Variants in SYF2 observed in about 807,000 individuals in gnomAD.
SYF2 encodes the protein SYF2 pre-mRNA splicing factor.
In SYF2, 21 loss-of-function variants were observed where a neutral mutation model predicts 32.7. That is an observed-to-expected ratio of 0.64 (90% CI 0.45 to 0.92). SYF2 has a LOEUF of 0.92. Among genes scored for constraint, SYF2 ranks in the 40% least tolerant of loss-of-function variants. The pLI is 0.00. For missense variants in SYF2, 278 were observed against 296.5 expected, an observed-to-expected ratio of 0.94 and a Z score of 0.46; for synonymous variants, 114 against 103.9, an observed-to-expected ratio of 1.10 and a Z score of -0.59.
chr1:25,227,023 C>T (rs1638525897), intron 5 of SYF2, among the ~76,000 whole-genome samples: 3 of 152,000 alleles, frequency 2.0e-5, no homozygotes, highest in Admixed American at 1.3e-4. Context: ...TAGCTCACGC[C>T]TGTAATCCCA....
chr1:25,227,502 T>C lies in SYF2; in HGVS notation c.407A>G (p.His136Arg), dbSNP rs143383542. 300 of 1,613,768 alleles carry C rather than the reference T, an allele frequency of 1.9e-4. 2 individuals are homozygous for C. The highest frequency in any genetic ancestry group is 3.6e-5 in the Non-Finnish European group (43 of 1,179,968). The change falls in exon 5 of 7, where the codon CAT becomes CGT. Residue 136 changes from histidine to arginine, a missense_variant. Physicochemically the swap from His to Arg is conservative, Grantham distance 29. Coordinates refer to ENST00000236273, the MANE Select transcript of SYF2 (RefSeq NM_015484.5). ...AGGTTTGATCTGCTTGGTCAACCGA[T>C]GATACTGGCGTAACTGGGCAGCAGC... is the stretch of plus-strand genomic sequence containing the variant. ...DYAAAQLRQYHRLTKQIKPDM... is the reference protein window; with the variant it reads ...DYAAAQLRQYRRLTKQIKPDM...
chr1:25,231,171 TAAC>T (rs1240252470), intron 2 of SYF2: 1 of 152,234 alleles, frequency 6.6e-6, no homozygotes, highest in African/African-American at 2.4e-5. Context: ...TATTTGTTAA[TAAC>T]AGTCACTGGT....
At chr1:25,228,005 CTCA>C in intron 4 of SYF2, 110 bp downstream of exon 4, 1 of 825,330 alleles carries the variant, frequency 1.2e-6, no homozygotes, top group Non-Finnish European at 2.0e-6. Context: ...GGTCTTAAGC[CTCA>C]TCAAGAATAT....
chr1:25,223,196 A>G lies in SYF2; in HGVS notation c.*70T>C. 1 of 1,468,274 alleles carries G rather than the reference A, an allele frequency of 6.8e-7. No individual in the cohort carries two copies. Among genetic ancestry groups the G allele is most frequent in the Non-Finnish European group, 9.2e-7 (1 of 1,090,486 alleles). The allele number at this position is 1,468,274 out of a possible 1,614,324, so 91.0% of individuals were successfully genotyped here. On this transcript the variant is annotated 3_prime_UTR_variant, in exon 7 of 7. Coordinates refer to ENST00000236273, the MANE Select transcript of SYF2 (RefSeq NM_015484.5). ...TTCTGGATTACTGATAAAATTTCAA[A>G]AAGAACTTGATTTTGCTAGCAGAAA...
At chr1:25,223,528 C>T in intron 6 of SYF2, 97 bp from the exon 7 acceptor site, 1 of 1,273,814 alleles carries the variant, frequency 7.9e-7, no homozygotes, top group East Asian at 2.3e-5. Flanking sequence ...TTTAGAATAG[C>T]ACATGTTGTG....
intron 5 of SYF2, among the ~76,000 whole-genome samples, chr1:25,226,393 A>T (rs1638509904): frequency 6.6e-6 from 1 of 152,186 alleles, no homozygotes; most frequent in African/African-American, 2.4e-5. Flanking sequence ...GTTTATGAAA[A>T]GAGGCTTCAT....
At chr1:25,230,551 T>C (rs180974230) in intron 2 of SYF2, 4 of 152,318 alleles carry the variant, frequency 2.6e-5, no homozygotes, top group Admixed American at 2.6e-4. Flanking sequence ...CAAAGAGAGA[T>C]ACTCCTCCCA....
chr1:25,231,176 G>C (rs533659021), intron 2 of SYF2: 1 of 152,342 alleles, frequency 6.6e-6, no homozygotes, highest in Admixed American at 6.5e-5. Context: ...GTTAATAACA[G>C]TCACTGGTGT....
intron 6 of SYF2, among the ~76,000 whole-genome samples, chr1:25,224,664 G>A (rs1033825075): frequency 3.9e-5 from 6 of 152,244 alleles, no homozygotes; most frequent in African/African-American, 9.6e-5. Flanking sequence ...AAACCTAAGC[G>A]AGGAACATTT....
Position 25,229,069 on chromosome 1 carries a change from TTA to T in SYF2, c.185_186del (p.Leu62GlnfsTer34), listed in dbSNP as rs762585534. On this transcript the variant is annotated frameshift_variant, in exon 3 of 7. Coordinates refer to ENST00000236273, the MANE Select transcript of SYF2 (RefSeq NM_015484.5). LOFTEE classifies it high-confidence loss of function. ...TTGGCTTCCCAATTTGCAGGTAATT[TTA>T]GTCTTTTATCTTCTTCCACAACTTC... is the stretch of plus-strand genomic sequence containing the variant. ...HQEVVEEDKR[L>X]KLPANWEAKK... The T allele has an allele frequency of 1.4e-5, 23 of 1,614,018 alleles. No individual in the cohort carries two copies. The highest frequency in any genetic ancestry group is 1.9e-5 in the Non-Finnish European group (23 of 1,180,018).
rs1264857925 is a variant in SYF2, at chr1:25,229,010, C to T, written c.246G>A (p.Glu82=). 1.2e-6 allele frequency: 2 copies of T among 1,610,846 alleles called. No individual in the cohort carries two copies. Among genetic ancestry groups the T allele is most frequent in the Non-Finnish European group, 1.7e-6 (2 of 1,179,178 alleles). Reference sequence around the variant, plus strand: ...AATAGTTCCTAACCTTTTTCTTTTCCTCTTCCTTTAGTTCCCACTCCAAAC... The same window carrying T: ...AATAGTTCCTAACCTTTTTCTTTTCTTCTTCCTTTAGTTCCCACTCCAAAC... ...KARLEWELKE[E]EKKKECAARG... The change falls in exon 3 of 7, where the codon GAG becomes GAA. Residue 82 remains glutamate (E), a synonymous_variant. Coordinates refer to ENST00000236273, the MANE Select transcript of SYF2 (RefSeq NM_015484.5).
chr1:25,225,834 G>A (rs1296403416), intron 5 of SYF2, among the ~76,000 whole-genome samples: 1 of 150,120 alleles, frequency 6.7e-6, no homozygotes, highest in African/African-American at 2.5e-5. Flanking sequence ...CTCTAGCCCA[G>A]GCGACAGTGC....
At chr1:25,227,774 G>A (rs1467243015) in intron 4 of SYF2, among the ~76,000 whole-genome samples, 2 of 152,074 alleles carry the variant, frequency 1.3e-5, no homozygotes, top group African/African-American at 4.8e-5. Context: ...AACAGTTTTG[G>A]ATTTTGCAAC....
chr1:25,229,060 C>G lies in SYF2; in HGVS notation c.196G>C (p.Ala66Pro). 6.2e-7 allele frequency: 1 copy of G among 1,613,980 alleles called. No homozygotes were observed. Among genetic ancestry groups the G allele is most frequent in the South Asian group, 1.1e-5 (1 of 91,046 alleles). The part of the protein sequence containing the change: ...VEEDKRLKLP[A>P]NWEAKKARLE... ...CGAGCTTTTTTGGCTTCCCAATTTGCAGGTAATTTTAGTCTTTTATCTTCT... is the reference window on the plus strand; with the variant it reads ...CGAGCTTTTTTGGCTTCCCAATTTGGAGGTAATTTTAGTCTTTTATCTTCT... Residue 66 changes from alanine to proline, a missense_variant, in exon 3 of 7, where the codon GCA becomes CCA. Physicochemically the swap from Ala to Pro is conservative, Grantham distance 27. Transcript: ENST00000236273.
At chr1:25,232,289 C>T (rs1391946794) in intron 1 of SYF2, 78 bp from the exon 2 acceptor site, 4 of 1,577,674 alleles carry the variant, frequency 2.5e-6, no homozygotes, top group Non-Finnish European at 3.5e-6. Flanking sequence ...CCCCGCCGGT[C>T]CCCACAGGCT....
At chr1:25,228,076 C>T in intron 4 of SYF2, 42 bp downstream of exon 4, 2 of 1,500,102 alleles carry the variant, frequency 1.3e-6, no homozygotes, top group Non-Finnish European at 1.8e-6. Context: ...AAGGAAATGA[C>T]TAACAGCCCA....
In SYF2 at chr1:25,229,031, C is replaced by G. The variant is rs745589659; in HGVS notation, c.225G>C (p.Leu75Phe). The change falls in exon 3 of 7, where the codon TTG (leucine) becomes TTC (phenylalanine). Residue 75 changes from leucine (L) to phenylalanine (F), a missense_variant. By Grantham distance (22) the Leu-to-Phe change is conservative. Coordinates refer to ENST00000236273, the MANE Select transcript of SYF2 (RefSeq NM_015484.5). ...PANWEAKKARLEWELKEEEKK... is the reference protein window; with the variant it reads ...PANWEAKKARFEWELKEEEKK... ...TTTCCTCTTCCTTTAGTTCCCACTCCAAACGAGCTTTTTTGGCTTCCCAAT... is the reference window on the plus strand; with the variant it reads ...TTTCCTCTTCCTTTAGTTCCCACTCGAAACGAGCTTTTTTGGCTTCCCAAT... The G allele has an allele frequency of 1.2e-5, 19 of 1,613,986 alleles. No individual in the cohort carries two copies. Among genetic ancestry groups the G allele is most frequent in the Non-Finnish European group, 1.6e-5 (19 of 1,179,988 alleles).
chr1:25,226,794 A>G (rs1638517087), intron 5 of SYF2, among the ~76,000 whole-genome samples: 1 of 151,958 alleles, frequency 6.6e-6, no homozygotes, highest in Non-Finnish European at 1.5e-5. Context: ...AGACAGCCTG[A>G]GCAACACAGT....
chr1:25,228,000 T>C (rs1015279383), intron 4 of SYF2, 118 bp downstream of exon 4: 7 of 803,736 alleles, frequency 8.7e-6, no homozygotes, highest in Non-Finnish European at 1.4e-5. Context: ...TTCTTGGTCT[T>C]AAGCCTCATC....
Sources: gnomAD v4.1 joint callset for allele counts (sites outside exome capture counted in the v4.1 genomes callset) on GRCh38, gnomAD v4.1.1 for gene constraint, MANE v1.5 for transcripts, NCBI Gene and HGNC (gene_info 2026-07-23, HGNC 2026-07-21) for gene names.